The following SGCZ variants were observed in gnomAD, a reference collection of about 807,000 sequenced individuals.
SGCZ encodes the protein sarcoglycan zeta.
SGCZ carries 40 observed loss-of-function variants against 41.3 expected under a neutral mutation model. The ratio of observed to expected loss-of-function variants is 0.97; its 90% CI spans 0.75 to 1.26. The LOEUF (loss-of-function observed/expected upper bound fraction) is 1.26, where lower values mean the gene tolerates loss of function less well. Among genes scored for constraint, SGCZ ranks in the 50% most tolerant of loss-of-function variants. SGCZ has a pLI of 0.00. For synonymous variants in SGCZ, 206 were observed against 137.5 expected (o/e 1.50, Z -3.49); for missense variants, 552 against 369.8 (o/e 1.49, Z -4.04).
rs144357120 is a variant in SGCZ, at chr8:14,536,698, C to T, written c.234+18034G>A. On this transcript the variant is annotated intron_variant, in intron 2 of 7. Transcript: ENST00000382080. ...TGACCCTGGTATATGCTGCTCAAAG[C>T]AGTCTGTGTGTCCATGTATAAGTGT... Among the ~76,000 whole-genome samples the T allele has an allele frequency of 9.9e-3, 1,505 of 151,884 alleles. 22 individuals are homozygous for T. Among genetic ancestry groups the T allele is most frequent in the African/African-American group, 0.034 (1,410 of 41,494 alleles).
At chr8:14,495,615 CATT>C (rs993951585) in intron 2 of SGCZ, among the ~76,000 whole-genome samples, 1 of 152,104 alleles carries the variant, frequency 6.6e-6, no homozygotes, top group African/African-American at 2.4e-5. Flanking sequence ...TTTAATCCTT[CATT>C]ACAAGCACAA....
chr8:14,860,437 GGGAAAGAGAAGAGAGAA>G (rs911956848), intron 1 of SGCZ, among the ~76,000 whole-genome samples: 10 of 150,262 alleles, frequency 6.7e-5, no homozygotes, highest in African/African-American at 2.0e-4. Context: ...GGGAGGGAGA[GGGAAAGAGAAGAGAGAA>G]GGAAAGAGAA....
chr8:14,442,496 T>C (rs181518850), intron 2 of SGCZ, among the ~76,000 whole-genome samples: 18 of 152,294 alleles, frequency 1.2e-4, no homozygotes, highest in African/African-American at 4.1e-4. Context: ...GAAAACAAAC[T>C]AATACACCCT....
chr8:14,408,237 T>A (rs533578100), intron 2 of SGCZ, among the ~76,000 whole-genome samples: 2 of 152,270 alleles, frequency 1.3e-5, no homozygotes, highest in African/African-American at 4.8e-5. Flanking sequence ...GGAACTGCTG[T>A]ATTTGCAGTT....
At chr8:14,743,437 T>C (rs957677898) in intron 1 of SGCZ, among the ~76,000 whole-genome samples, 1 of 152,242 alleles carries the variant, frequency 6.6e-6, no homozygotes, top group South Asian at 2.1e-4. Context: ...TAACTTTTCA[T>C]ATACTGTGCC....
chr8:15,065,132 G>A (rs1805082650), intron 1 of SGCZ, among the ~76,000 whole-genome samples: 1 of 151,980 alleles, frequency 6.6e-6, no homozygotes, highest in African/African-American at 2.4e-5. Flanking sequence ...CTGCATCCAT[G>A]TATCCTCCAA....
At chr8:14,682,165 G>A (rs909997637) in intron 1 of SGCZ, among the ~76,000 whole-genome samples, 1 of 151,976 alleles carries the variant, frequency 6.6e-6, no homozygotes, top group Non-Finnish European at 1.5e-5. Flanking sequence ...GAGAATAGCC[G>A]ATCAATTTGT....
At chr8:14,910,981 C>G (rs925284693) in intron 1 of SGCZ, among the ~76,000 whole-genome samples, 2 of 151,966 alleles carry the variant, frequency 1.3e-5, no homozygotes, top group African/African-American at 4.8e-5. Context: ...TTCTAACAAT[C>G]ATATCACTCA....
chr8:14,540,859 T>C (rs987782962), intron 2 of SGCZ, among the ~76,000 whole-genome samples: 2 of 151,798 alleles, frequency 1.3e-5, no homozygotes, highest in African/African-American at 4.8e-5. Flanking sequence ...TTGGAGATTT[T>C]CTTATTCATG....
chr8:14,277,545 A>G (rs1303853059), intron 3 of SGCZ, among the ~76,000 whole-genome samples: 1 of 152,188 alleles, frequency 6.6e-6, no homozygotes, highest in Non-Finnish European at 1.5e-5. Flanking sequence ...TAATCAATTA[A>G]TACATGGATA....
At chr8:14,534,407 C>A (rs1489587241) in intron 2 of SGCZ, among the ~76,000 whole-genome samples, 1 of 152,000 alleles carries the variant, frequency 6.6e-6, no homozygotes, top group Non-Finnish European at 1.5e-5. Flanking sequence ...TGGAAAGTTT[C>A]TAAGTAGAAC....
chr8:14,242,516 G>C (rs112147189), intron 3 of SGCZ, among the ~76,000 whole-genome samples: 21 of 152,232 alleles, frequency 1.4e-4, no homozygotes, highest in African/African-American at 4.6e-4. Flanking sequence ...CTGTAAAATA[G>C]GGGTCATAGC....
At chr8:14,110,409 T>A (rs9643911) in intron 5 of SGCZ, among the ~76,000 whole-genome samples, 2 of 151,896 alleles carry the variant, frequency 1.3e-5, no homozygotes, top group Non-Finnish European at 2.9e-5. Flanking sequence ...ACAAACTCTA[T>A]CAGTGAAAAT....
chr8:14,743,927 C>G (rs1799271284), intron 1 of SGCZ, among the ~76,000 whole-genome samples: 1 of 152,012 alleles, frequency 6.6e-6, no homozygotes, highest in African/African-American at 2.4e-5. Context: ...TTCTGGGGAT[C>G]CGAAAGGACA....
At chr8:14,507,748 G>T (rs200103245) in intron 2 of SGCZ, among the ~76,000 whole-genome samples, 6,560 of 135,406 alleles carry the variant, frequency 0.048, 304 homozygotes, top group African/African-American at 0.14. Context: ...TGCTGTTTTT[G>T]TTTGTTTGTT....
chr8:14,139,929 A>G (rs970966178), intron 5 of SGCZ, among the ~76,000 whole-genome samples: 2 of 152,314 alleles, frequency 1.3e-5, no homozygotes, highest in African/African-American at 4.8e-5. Context: ...CGATGCAAAA[A>G]TCCTCAATAA....
chr8:14,429,877 A>G (rs968524362), intron 2 of SGCZ, among the ~76,000 whole-genome samples: 1 of 152,134 alleles, frequency 6.6e-6, no homozygotes, highest in South Asian at 2.1e-4. Context: ...TCTTCCTGAT[A>G]TAAGCTAGGA....
chr8:15,037,329 T>C (rs1803909690), intron 1 of SGCZ, among the ~76,000 whole-genome samples: 1 of 152,196 alleles, frequency 6.6e-6, no homozygotes, highest in Non-Finnish European at 1.5e-5. Context: ...CTCTTTCCTG[T>C]CACCATGTGA....
Position 14,188,665 on chromosome 8 carries a change from C to A in SGCZ, c.425-23963G>T, listed in dbSNP as rs560745733. Among the ~76,000 whole-genome samples the A allele has an allele frequency of 1.8e-4, 28 of 152,138 alleles. No individual in the cohort carries two copies. In the South Asian group the frequency reaches 5.6e-3, roughly 30 times the overall value. On this transcript the variant is annotated intron_variant, in intron 4 of 7. Coordinates refer to ENST00000382080, the MANE Select transcript of SGCZ (RefSeq NM_139167.4). ...ATATATTAAAAACCACTGCATTGTA[C>A]ATTTAAATGGATGAATTGTATGATA...
Sources: gnomAD v4.1 joint callset for allele counts (sites outside exome capture counted in the v4.1 genomes callset) on GRCh38, gnomAD v4.1.1 for gene constraint, MANE v1.5 for transcripts, NCBI Gene and HGNC (gene_info 2026-07-23, HGNC 2026-07-21) for gene names.